Variants in AVPI1 observed in about 807,000 individuals in gnomAD.
AVPI1 encodes arginine vasopressin-induced protein 1.
Under a neutral mutation model 11.9 loss-of-function variants are expected in AVPI1, and 9 were observed. The ratio of observed to expected loss-of-function variants is 0.76; its 90% CI spans 0.46 to 1.32. The LOEUF (loss-of-function observed/expected upper bound fraction) is 1.32, where lower values mean the gene tolerates loss of function less well. AVPI1 is among the 40% of genes most tolerant of loss of function. The probability of loss-of-function intolerance (pLI) is 0.00; values close to 1 mark genes in which losing one functional copy is unlikely to be tolerated. For synonymous variants in AVPI1, 68 were observed against 78.1 expected (o/e 0.87, Z 0.68); for missense variants, 207 against 195.8 (o/e 1.06, Z -0.34).
intron 1 of AVPI1, among the ~76,000 whole-genome samples, chr10:97,683,052 G>A (rs1279652775): frequency 6.6e-6 from 1 of 152,224 alleles, no homozygotes; most frequent in Non-Finnish European, 1.5e-5. Flanking sequence ...GTTAGGGACT[G>A]TTATCCCATT....
At position 97,678,008 on chromosome 10, in the gene AVPI1, G is replaced by C. The variant is rs553651349; in HGVS notation, c.305C>G (p.Ser102Cys). Residue 102 changes from serine to cysteine, a missense_variant, in exon 3 of 3, where the codon TCT (serine) becomes TGT (cysteine). By Grantham distance (112) the Ser-to-Cys change is moderately radical. Coordinates refer to ENST00000370626, the MANE Select transcript of AVPI1 (RefSeq NM_021732.3). ...CSRLRILEPHSALANPQSATE... is the reference protein window; with the variant it reads ...CSRLRILEPHCALANPQSATE... ...GGCACTCTGTGGGTTGGCCAGTGCA[G>C]AGTGGGGCTCCAGGATTCTGCAGAG... The C allele has an allele frequency of 6.2e-7, 1 of 1,614,146 alleles. No individual in the cohort carries two copies.
At chr10:97,678,066 A>G (rs754514820) in intron 2 of AVPI1, 41 bp from the exon 3 acceptor site, 1 of 1,585,482 alleles carries the variant, frequency 6.3e-7, no homozygotes, top group South Asian at 1.1e-5. Flanking sequence ...ATCAATAGGA[A>G]GAATGGAATG....
chr10:97,686,101 A>G (rs2041727361), intron 1 of AVPI1, among the ~76,000 whole-genome samples: 1 of 152,180 alleles, frequency 6.6e-6, no homozygotes, highest in Non-Finnish European at 1.5e-5. Flanking sequence ...TGGTCAACAT[A>G]GCAAGACTGC....
In AVPI1 at chr10:97,679,632, A is replaced by C. The variant is rs202088278; in HGVS notation, c.274T>G (p.Cys92Gly). The C allele has an allele frequency of 8.7e-6, 14 of 1,611,374 alleles. No individual in the cohort carries two copies. In the East Asian group the frequency reaches 3.1e-4, roughly 36 times the overall value. The change falls in exon 2 of 3, where the codon TGC (cysteine) becomes GGC (glycine). Residue 92 changes from cysteine to glycine, a missense_variant. Cys to Gly is a radical substitution (Grantham distance 159). Transcript: ENST00000370626. ...CTAGGAACCTACCTGAGGCGGCTGC[A>C]GTGGTGTAGCGAGTGGCCCAGGGGT... Reference protein sequence around the residue: ...QKPLGHSLHHCSRLRILEPHS... With the variant: ...QKPLGHSLHHGSRLRILEPHS...
At chr10:97,684,496 TC>T (rs1442134766) in intron 1 of AVPI1, among the ~76,000 whole-genome samples, 1 of 70,440 alleles carries the variant, frequency 1.4e-5, no homozygotes, top group African/African-American at 4.5e-5. Flanking sequence ...CTCTTTTTAC[TC>T]TTTTTTTTTT....
rs139124316 is a variant in AVPI1 at position 97,677,896 on chromosome 10, T to C, written c.417A>G (p.Thr139=). ...AGTGTCTGATCTGGTGGAGGTAGCT[T>C]GTGGGGCCTGACTTCCTCCAGTTCC... ...IRRNWRKSGP[T]SYLHQIRH Residue 139 remains threonine, a synonymous_variant, in exon 3 of 3, where the codon ACA becomes ACG. Transcript: ENST00000370626. 273 of 1,614,176 alleles carry C rather than the reference T, an allele frequency of 1.7e-4. No homozygotes were observed. Among genetic ancestry groups the C allele is most frequent in the Non-Finnish European group, 2.2e-4 (261 of 1,180,014 alleles).
intron 1 of AVPI1, among the ~76,000 whole-genome samples, chr10:97,682,995 T>C (rs1043035501): frequency 3.9e-5 from 6 of 152,316 alleles, no homozygotes; most frequent in Non-Finnish European, 8.8e-5. Flanking sequence ...TTACTCTGGA[T>C]CAGGCAATAC....
intron 1 of AVPI1, among the ~76,000 whole-genome samples, chr10:97,683,141 C>CT (rs2041712789): frequency 6.6e-6 from 1 of 152,120 alleles, no homozygotes; most frequent in Admixed American, 6.5e-5. Flanking sequence ...GTTCAAATGA[C>CT]TGCAGCCCAT....
At chr10:97,680,556 C>T (rs2041698917) in intron 1 of AVPI1, among the ~76,000 whole-genome samples, 1 of 152,186 alleles carries the variant, frequency 6.6e-6, no homozygotes, top group Non-Finnish European at 1.5e-5. Flanking sequence ...TCTACCCCCT[C>T]CACCACTTAC....
chr10:97,678,917 G>C (rs1172507395), intron 2 of AVPI1, among the ~76,000 whole-genome samples: 3 of 10,674 alleles, frequency 2.8e-4, no homozygotes, highest in East Asian at 1.7e-3. Flanking sequence ...GTGTGTGTGT[G>C]TGTGTGTGTG....
At chr10:97,678,954 T>TTTTCAGA (rs1564779919) in intron 2 of AVPI1, among the ~76,000 whole-genome samples, 1 of 43,046 alleles carries the variant, frequency 2.3e-5, no homozygotes, top group African/African-American at 8.7e-5. Context: ...TGTGTGTGTG[T>TTTTCAGA]GTGTGTGTGT....
chr10:97,683,917 G>A (rs986337191), intron 1 of AVPI1, among the ~76,000 whole-genome samples: 2 of 151,808 alleles, frequency 1.3e-5, no homozygotes, highest in Non-Finnish European at 2.9e-5. Flanking sequence ...TGTTTCTGAG[G>A]GCCTGCACCA....
Position 97,677,541 on chromosome 10 carries a change from TTAG to T in AVPI1, c.*325_*327del. On this transcript the variant is annotated 3_prime_UTR_variant, in exon 3 of 3. Transcript: ENST00000370626. ...GTTTACAGTAGTAGCAGGTAGATGA[TTAG>T]TAGCATGAGTGGTGAAATGCTGCAT... The T allele has an allele frequency of 3.7e-6, 1 of 267,496 alleles. No homozygotes were observed. The highest frequency in any genetic ancestry group is 8.9e-5 in the East Asian group (1 of 11,208). 16.6% of individuals were successfully genotyped at this position (267,496 alleles called of 1,614,324 possible).
chr10:97,680,058 C>T, intron 1 of AVPI1, 143 bp from the exon 2 acceptor site: 2 of 797,616 alleles, frequency 2.5e-6, no homozygotes, highest in Non-Finnish European at 3.9e-6. Flanking sequence ...ATCACTTAAG[C>T]ACTTATGTGT....
intron 2 of AVPI1, among the ~76,000 whole-genome samples, chr10:97,678,921 GT>G (rs2041683662): frequency 1.4e-4 from 2 of 14,648 alleles, no homozygotes; most frequent in African/African-American, 4.7e-4. Flanking sequence ...GTGTGTGTGT[GT>G]GTGTGTGTGT....
intron 1 of AVPI1, among the ~76,000 whole-genome samples, chr10:97,684,521 G>A (rs1252532731): frequency 2.9e-5 from 4 of 138,090 alleles, no homozygotes; most frequent in South Asian, 4.6e-4. Flanking sequence ...TTTTTGAGGC[G>A]GAGTCTCACT....
Position 97,679,719 on chromosome 10 carries a change from C to T in AVPI1, c.187G>A (p.Gly63Arg). 3 of 1,614,188 alleles carry T rather than the reference C, an allele frequency of 1.9e-6. No homozygotes were observed. Among genetic ancestry groups the T allele is most frequent in the Non-Finnish European group, 2.5e-6 (3 of 1,180,036 alleles). The change falls in exon 2 of 3, where the codon GGG becomes AGG. Residue 63 changes from glycine (G) to arginine (R), a missense_variant. Coordinates refer to ENST00000370626, the MANE Select transcript of AVPI1 (RefSeq NM_021732.3). ...ERAQIIWECA[G>R]DHRVAEALKR... The stretch of plus-strand genomic sequence containing the variant: ...AGGGCCTCAGCCACACGGTGGTCCC[C>T]TGCACATTCCCAGATGATCTGTGCC...
Position 97,677,594 on chromosome 10 carries a change from A to C in AVPI1, c.*275T>G. 2.6e-6 allele frequency: 1 copy of C among 384,852 alleles called. No individual in the cohort carries two copies. The highest frequency in any genetic ancestry group is 4.8e-5 in the East Asian group (1 of 20,868). 23.8% of individuals were successfully genotyped at this position (384,852 alleles called of 1,614,324 possible). ...TCTAAGTGCCTGTCACTTTGCTCCCAGGGGAATATCATGCAGCCCAGGAAT... is the reference window on the plus strand; with the variant it reads ...TCTAAGTGCCTGTCACTTTGCTCCCCGGGGAATATCATGCAGCCCAGGAAT... On this transcript the variant is annotated 3_prime_UTR_variant, in exon 3 of 3. Coordinates refer to ENST00000370626, the MANE Select transcript of AVPI1 (RefSeq NM_021732.3).
chr10:97,681,563 CAA>C (rs2041703880), intron 1 of AVPI1, among the ~76,000 whole-genome samples: 1 of 149,392 alleles, frequency 6.7e-6, no homozygotes, highest in Non-Finnish European at 1.5e-5. Flanking sequence ...GCCTGGGCAA[CAA>C]GAGCAAAACT....
Sources: allele counts gnomAD v4.1 joint callset (sites outside exome capture counted in the v4.1 genomes callset), GRCh38; gene constraint gnomAD v4.1.1; transcripts MANE v1.5; gene names NCBI Gene and HGNC (gene_info 2026-07-23, HGNC 2026-07-21).